The following PALM2AKAP2 variants were observed in gnomAD, a reference collection of about 807,000 sequenced individuals.
PALM2AKAP2 encodes PALM2 and AKAP2 fusion.
Under a neutral mutation model 71.5 loss-of-function variants are expected in PALM2AKAP2, and 37 were observed. That is an observed-to-expected ratio of 0.52 (90% CI 0.40 to 0.68). The LOEUF (loss-of-function observed/expected upper bound fraction) is 0.68. PALM2AKAP2 is among the 30% of genes least tolerant of loss of function. The probability of loss-of-function intolerance (pLI) is 0.00; values close to 1 mark genes in which losing one functional copy is unlikely to be tolerated. For missense variants in PALM2AKAP2, 1,224 were observed against 1,191.8 expected, an observed-to-expected ratio of 1.03 and a Z score of -0.40; for synonymous variants, 468 against 478.8, an observed-to-expected ratio of 0.98 and a Z score of 0.29.
chr9:110,089,212 G>A (rs10512402), intron 1 of PALM2AKAP2, among the ~76,000 whole-genome samples: 27,260 of 152,104 alleles, frequency 0.18, 3,309 homozygotes, highest in African/African-American at 0.34. Context: ...ATCACTTGTT[G>A]GAGAGCACAT....
chr9:109,984,618 A>G (rs916678313), intron 6 of PALM2AKAP2, among the ~76,000 whole-genome samples: 1 of 151,964 alleles, frequency 6.6e-6, no homozygotes, highest in Non-Finnish European at 1.5e-5. Context: ...GCACTTTGGG[A>G]GGCCAAGGCA....
intron 1 of PALM2AKAP2, among the ~76,000 whole-genome samples, chr9:110,102,112 C>T (rs1835013824): frequency 1.3e-5 from 2 of 152,194 alleles, no homozygotes; most frequent in Admixed American, 1.3e-4. Context: ...GGTGCAAAAC[C>T]AAGATTTGAA....
intron 1 of PALM2AKAP2, among the ~76,000 whole-genome samples, chr9:109,847,468 G>A (rs979387205): frequency 1.4e-4 from 22 of 152,164 alleles, no homozygotes; most frequent in South Asian, 2.1e-4. Context: ...TTCGATGGGC[G>A]TGATGGCTCA....
At chr9:109,712,927 G>A (rs1371777469) in intron 1 of PALM2AKAP2, among the ~76,000 whole-genome samples, 1 of 152,148 alleles carries the variant, frequency 6.6e-6, no homozygotes, top group East Asian at 1.9e-4. Context: ...GCAACATTTG[G>A]TCCTAGTCCT....
intron 1 of PALM2AKAP2, among the ~76,000 whole-genome samples, chr9:110,110,975 G>A (rs1191924190): frequency 2.0e-5 from 3 of 149,616 alleles, no homozygotes; most frequent in African/African-American, 7.4e-5. Flanking sequence ...TATTGTTTTT[G>A]TTCATATCCC....
In PALM2AKAP2 at chr9:109,844,629, A is replaced by G. The variant is rs548105214; in HGVS notation, c.46-22862A>G. 4.1e-4 allele frequency among the ~76,000 whole-genome samples: 63 copies of G among 152,372 alleles called. 2 individuals are homozygous for G. In the South Asian group the frequency reaches 0.013, roughly 32 times the overall value. On this transcript the variant is annotated intron_variant, in intron 1 of 9. Transcript: ENST00000302798. ...TGATTCCAAAATAAAAGGTGTATTT[A>G]AGAAACAGAAATGCCAAGTGTATAT...
chr9:110,094,523 A>C (rs1336939095), intron 1 of PALM2AKAP2, among the ~76,000 whole-genome samples: 1 of 152,220 alleles, frequency 6.6e-6, no homozygotes, highest in South Asian at 2.1e-4. Flanking sequence ...GGGAGGTCTC[A>C]GGAAACTTAC....
intron 1 of PALM2AKAP2, among the ~76,000 whole-genome samples, chr9:109,817,940 A>G (rs1484236539): frequency 6.6e-6 from 1 of 152,212 alleles, no homozygotes; most frequent in African/African-American, 2.4e-5. Flanking sequence ...AGCAAGGTAA[A>G]GAAGTCGTTA....
At chr9:109,734,670 T>C (rs963863971) in intron 1 of PALM2AKAP2, among the ~76,000 whole-genome samples, 3 of 152,208 alleles carry the variant, frequency 2.0e-5, no homozygotes, top group Admixed American at 1.3e-4. Flanking sequence ...ACATTTTAAT[T>C]TCATTAAACA....
At chr9:110,140,919 C>G (rs548064860) in intron 2 of PALM2AKAP2, among the ~76,000 whole-genome samples, 1 of 152,266 alleles carries the variant, frequency 6.6e-6, no homozygotes, top group Admixed American at 6.5e-5. Flanking sequence ...CAGTGACTTT[C>G]TTAATATATG....
intron 1 of PALM2AKAP2, among the ~76,000 whole-genome samples, chr9:110,099,744 G>A (rs1294953879): frequency 6.6e-6 from 1 of 152,122 alleles, no homozygotes; most frequent in Admixed American, 6.5e-5. Flanking sequence ...CACATAGCTT[G>A]CCCTGTAACT....
intron 1 of PALM2AKAP2, among the ~76,000 whole-genome samples, chr9:109,809,082 G>C (rs1202095226): frequency 6.6e-6 from 1 of 152,228 alleles, no homozygotes; most frequent in Non-Finnish European, 1.5e-5. Context: ...ACCTCTGCTA[G>C]GGCAGTGTGG....
chr9:110,062,960 G>A (rs566408609), intron 1 of PALM2AKAP2, among the ~76,000 whole-genome samples: 1 of 152,262 alleles, frequency 6.6e-6, no homozygotes, highest in South Asian at 2.1e-4. Context: ...CTTCACCATG[G>A]CAATGCAAAT....
intron 1 of PALM2AKAP2, among the ~76,000 whole-genome samples, chr9:109,836,727 C>T (rs1419025067): frequency 6.6e-6 from 1 of 152,146 alleles, no homozygotes; most frequent in East Asian, 1.9e-4. Context: ...AACTACGTGG[C>T]GAATGCCCAA....
intron 6 of PALM2AKAP2, among the ~76,000 whole-genome samples, chr9:109,934,457 C>T (rs1564218967): frequency 6.6e-6 from 1 of 152,188 alleles, no homozygotes; most frequent in Admixed American, 6.5e-5. Context: ...TCTAAATCCC[C>T]TTTGTGCTCA....
intron 1 of PALM2AKAP2, among the ~76,000 whole-genome samples, chr9:109,711,179 A>C (rs1038737626): frequency 3.3e-5 from 5 of 152,108 alleles, no homozygotes; most frequent in Non-Finnish European, 5.9e-5. Context: ...AAAAATGGAA[A>C]GGTGGTGGTA....
intron 1 of PALM2AKAP2, among the ~76,000 whole-genome samples, chr9:109,807,559 CTT>C (rs11398626): frequency 2.4e-4 from 33 of 140,378 alleles, no homozygotes; most frequent in Non-Finnish European, 2.6e-4. Flanking sequence ...TCTCTGGGAC[CTT>C]TTTTTTTTTT....
At chr9:109,944,747 A>G (rs544735593) in intron 6 of PALM2AKAP2, 4 of 152,272 alleles carry the variant, frequency 2.6e-5, no homozygotes, top group Non-Finnish European at 4.4e-5. Flanking sequence ...CACAATGAAC[A>G]GTTTTTGAAA....
intron 1 of PALM2AKAP2, among the ~76,000 whole-genome samples, chr9:109,739,519 C>CTCCTAGTTGAACCTGCTCTT (rs1564130598): frequency 6.6e-6 from 1 of 152,166 alleles, no homozygotes; most frequent in East Asian, 1.9e-4. Flanking sequence ...TCTTAGAGGT[C>CTCCTAGTTGAACCTGCTCTT]TCCTAGTTGA....
Sources: gnomAD v4.1 joint callset for allele counts (sites outside exome capture counted in the v4.1 genomes callset) on GRCh38, gnomAD v4.1.1 for gene constraint, MANE v1.5 for transcripts, NCBI Gene and HGNC (gene_info 2026-07-23, HGNC 2026-07-21) for gene names.